The following DYNC1I1 variants were observed in gnomAD, a reference collection of about 807,000 sequenced individuals.
DYNC1I1 encodes cytoplasmic dynein 1 intermediate chain 1.
A neutral mutation model predicts 86.6 loss-of-function variants in DYNC1I1; 43 were observed. The observed-to-expected ratio is 0.50, with a 90% CI of 0.39 to 0.64. The LOEUF (loss-of-function observed/expected upper bound fraction) is 0.64, where lower values mean the gene tolerates loss of function less well. Among genes scored for constraint, DYNC1I1 ranks in the 30% least tolerant of loss-of-function variants. The probability of loss-of-function intolerance (pLI) is 0.00; values close to 1 mark genes in which losing one functional copy is unlikely to be tolerated. For missense variants in DYNC1I1, 604 were observed against 788.8 expected, an observed-to-expected ratio of 0.77 and a Z score of 2.81; for synonymous variants, 262 against 283.7, an observed-to-expected ratio of 0.92 and a Z score of 0.77.
chr7:96,024,645 T>A (rs1282940796), intron 10 of DYNC1I1, among the ~76,000 whole-genome samples: 1 of 152,154 alleles, frequency 6.6e-6, no homozygotes, highest in Non-Finnish European at 1.5e-5. Context: ...TTCAACTGCA[T>A]AGGGAAGTAA....
intron 10 of DYNC1I1, among the ~76,000 whole-genome samples, chr7:96,014,659 A>T (rs1794360232): frequency 6.6e-6 from 1 of 152,182 alleles, no homozygotes; most frequent in Non-Finnish European, 1.5e-5. Context: ...AATATTTTCA[A>T]GTTTTGGAAT....
chr7:96,097,830 G>T lies in DYNC1I1; in HGVS notation c.*237G>T. On this transcript the variant is annotated 3_prime_UTR_variant, in exon 17 of 17. Coordinates refer to ENST00000447467, the MANE Select transcript of DYNC1I1 (RefSeq NM_001135556.2). ...ATTTCTGTCTCAAAAATGAAGAGAA[G>T]GGGGTTATGGGTTAAGTTGCTGCCT... is the stretch of plus-strand genomic sequence containing the variant. The T allele has an allele frequency of 8.0e-7, 1 of 1,244,276 alleles. No individual in the cohort carries two copies. Among genetic ancestry groups the T allele is most frequent in the East Asian group, 3.4e-5 (1 of 29,118 alleles). The allele number at this position is 1,244,276 out of a possible 1,614,324, so 77.1% of individuals were successfully genotyped here. A position where few individuals can be genotyped will look rare whatever the true frequency, so the allele number is the denominator to read the frequency against.
intron 10 of DYNC1I1, among the ~76,000 whole-genome samples, chr7:96,015,607 C>A (rs1042610489): frequency 3.3e-5 from 5 of 152,122 alleles, no homozygotes; most frequent in Non-Finnish European, 1.5e-5. Flanking sequence ...AAGTTGAACT[C>A]TGGGGAATTT....
At chr7:95,890,537 C>A (rs2116265342) in intron 6 of DYNC1I1, among the ~76,000 whole-genome samples, 1 of 152,108 alleles carries the variant, frequency 6.6e-6, no homozygotes, top group East Asian at 1.9e-4. Flanking sequence ...ACCCCTGTGA[C>A]ACAAATTTAC....
chr7:96,017,239 A>C (rs1313735152), intron 10 of DYNC1I1, among the ~76,000 whole-genome samples: 3 of 152,196 alleles, frequency 2.0e-5, no homozygotes, highest in Admixed American at 1.3e-4. Flanking sequence ...ATTTGATTTA[A>C]AGAAAACTGT....
intron 1 of DYNC1I1, among the ~76,000 whole-genome samples, chr7:95,777,195 A>T (rs1308482636): frequency 6.6e-6 from 1 of 152,214 alleles, no homozygotes; most frequent in African/African-American, 2.4e-5. Context: ...AACAAGTTGT[A>T]TGTCTCCCAG....
intron 15 of DYNC1I1, among the ~76,000 whole-genome samples, chr7:96,078,102 G>A (rs1790398676): frequency 6.6e-6 from 1 of 152,032 alleles, no homozygotes. Context: ...TTAAAAATTA[G>A]ATTTCTTAAA....
At chr7:96,027,396 T>C (rs1794707279) in intron 10 of DYNC1I1, among the ~76,000 whole-genome samples, 1 of 152,230 alleles carries the variant, frequency 6.6e-6, no homozygotes, top group African/African-American at 2.4e-5. Context: ...AAGTGCATTA[T>C]GGTTCTATCT....
chr7:96,003,061 T>A (rs578093289), intron 10 of DYNC1I1, among the ~76,000 whole-genome samples: 1 of 152,288 alleles, frequency 6.6e-6, no homozygotes, highest in African/African-American at 2.4e-5. Context: ...GCCAGGCTGG[T>A]CTTGATCTCC....
At chr7:96,085,229 C>G (rs1054771777) in intron 16 of DYNC1I1, among the ~76,000 whole-genome samples, 1 of 152,156 alleles carries the variant, frequency 6.6e-6, no homozygotes, top group South Asian at 2.1e-4. Context: ...TCCTCTATGA[C>G]TTTTAAGATG....
chr7:96,061,712 T>TCACACA (rs147547424), intron 14 of DYNC1I1, among the ~76,000 whole-genome samples: 5,678 of 136,854 alleles, frequency 0.041, 139 homozygotes, highest in African/African-American at 0.073. Flanking sequence ...TCTCTCTCTC[T>TCACACA]CACACACACA....
At chr7:95,965,206 A>G (rs1275630976) in intron 6 of DYNC1I1, among the ~76,000 whole-genome samples, 1 of 152,228 alleles carries the variant, frequency 6.6e-6, no homozygotes, top group Non-Finnish European at 1.5e-5. Flanking sequence ...GGATACAGCT[A>G]GCAGCTTTGT....
At chr7:96,032,831 C>A in intron 12 of DYNC1I1, 51 bp downstream of exon 12, 2 of 1,461,096 alleles carry the variant, frequency 1.4e-6, no homozygotes, top group Non-Finnish European at 1.9e-6. Flanking sequence ...AAAGAGATAC[C>A]TACTTAATGG....
chr7:95,773,296 T>C (rs1793754391), intron 1 of DYNC1I1, among the ~76,000 whole-genome samples: 1 of 152,230 alleles, frequency 6.6e-6, no homozygotes, highest in South Asian at 2.1e-4. Flanking sequence ...AGGGCATTAA[T>C]TAAACACTTC....
At chr7:95,956,198 C>A (rs1792705371) in intron 6 of DYNC1I1, among the ~76,000 whole-genome samples, 1 of 151,932 alleles carries the variant, frequency 6.6e-6, no homozygotes, top group South Asian at 2.1e-4. Context: ...CCACAGAGAC[C>A]AGAGGCTATG....
chr7:95,856,859 A>G (rs1235065890), intron 5 of DYNC1I1, among the ~76,000 whole-genome samples: 1 of 152,072 alleles, frequency 6.6e-6, no homozygotes, highest in Non-Finnish European at 1.5e-5. Context: ...GGCGCCTGTA[A>G]TCTCAGCTAC....
chr7:95,792,914 C>A (rs1382397786), intron 1 of DYNC1I1, among the ~76,000 whole-genome samples: 1 of 151,970 alleles, frequency 6.6e-6, no homozygotes, highest in Non-Finnish European at 1.5e-5. Context: ...TGGTATGCGC[C>A]AGTAAATTGT....
At position 95,947,807 on chromosome 7, in the gene DYNC1I1, G is replaced by A. The variant is rs143332058; in HGVS notation, c.491-29705G>A. ...TTGCCCTTGAGAGGAATAGCTGAGA[G>A]AAAAGAGGTGAAAAACACCTTTTCA... On this transcript the variant is annotated intron_variant, in intron 6 of 16. Coordinates refer to ENST00000447467, the MANE Select transcript of DYNC1I1 (RefSeq NM_001135556.2). 9.2e-5 allele frequency among the ~76,000 whole-genome samples: 14 copies of A among 152,278 alleles called. No individual in the cohort carries two copies. The East Asian group carries it at 2.7e-3, about 29-fold the overall frequency.
intron 6 of DYNC1I1, among the ~76,000 whole-genome samples, chr7:95,946,956 C>T (rs1347987026): frequency 4.6e-5 from 7 of 152,120 alleles, no homozygotes; most frequent in Admixed American, 4.6e-4. Flanking sequence ...CCCTGGTCTG[C>T]TGATGTTAGG....
Sources: allele counts gnomAD v4.1 joint callset (sites outside exome capture counted in the v4.1 genomes callset), GRCh38; gene constraint gnomAD v4.1.1; transcripts MANE v1.5; gene names NCBI Gene and HGNC (gene_info 2026-07-23, HGNC 2026-07-21).